The following JAK2 variants were observed in gnomAD, a reference collection of about 807,000 sequenced individuals.
The protein encoded by JAK2 is Janus kinase 2, also known as tyrosine-protein kinase JAK2.
Under a neutral mutation model 139.3 loss-of-function variants are expected in JAK2, and 86 were observed. That is an observed-to-expected ratio of 0.62 (90% CI 0.52 to 0.74). The LOEUF is 0.74. Among genes scored for constraint, JAK2 ranks in the 30% least tolerant of loss-of-function variants. The pLI is 0.00. For missense variants in JAK2, 1,421 were observed against 1,360.3 expected (o/e 1.04, Z -0.70); for synonymous variants, 490 against 437.7 (o/e 1.12, Z -1.49).
intron 22 of JAK2, chr9:5,098,095 A>G (rs1821164033): frequency 6.6e-6 from 1 of 152,184 alleles, no homozygotes; most frequent in Non-Finnish European, 1.5e-5. Context: ...TTGTTTCGAA[A>G]AGAAAAACTA....
intron 2 of JAK2, among the ~76,000 whole-genome samples, chr9:5,014,853 A>G (rs1435124942): frequency 6.6e-6 from 1 of 151,592 alleles, no homozygotes; most frequent in East Asian, 1.9e-4. Flanking sequence ...CTCCCTAGCT[A>G]TTCTCCTGTC....
intron 22 of JAK2, chr9:5,112,891 G>T: frequency 2.7e-6 from 1 of 366,628 alleles, no homozygotes; most frequent in Non-Finnish European, 4.6e-6. Flanking sequence ...CCTCAGCCCC[G>T]TGGGCTGGGC....
intron 2 of JAK2, among the ~76,000 whole-genome samples, chr9:4,992,043 C>T (rs1820287184): frequency 6.6e-6 from 1 of 152,138 alleles, no homozygotes; most frequent in South Asian, 2.1e-4. Context: ...AGACAGGGCA[C>T]ACCAGGGATG....
chr9:5,034,513 A>C (rs531599508), intron 4 of JAK2, among the ~76,000 whole-genome samples: 10 of 152,196 alleles, frequency 6.6e-5, no homozygotes, highest in Admixed American at 5.9e-4. Flanking sequence ...GCAAGTGTAA[A>C]AGAACAGAAA....
At chr9:5,078,276 T>G (rs1159232040) in intron 15 of JAK2, 30 bp from the exon 16 acceptor site, 1 of 1,593,658 alleles carries the variant, frequency 6.3e-7, no homozygotes, top group Non-Finnish European at 8.6e-7. Context: ...TGGACTGATA[T>G]TTGAATATAT....
intron 2 of JAK2, among the ~76,000 whole-genome samples, chr9:5,003,887 T>C (rs780760655): frequency 6.6e-6 from 1 of 152,114 alleles, no homozygotes; most frequent in Non-Finnish European, 1.5e-5. Flanking sequence ...TAGTTTGAGA[T>C]TTTAAAATCA....
intron 19 of JAK2, among the ~76,000 whole-genome samples, chr9:5,089,266 TG>T (rs1820372875): frequency 6.6e-6 from 1 of 152,092 alleles, no homozygotes; most frequent in Non-Finnish European, 1.5e-5. Flanking sequence ...CTGCTGGGCA[TG>T]GTGGCTCATG....
chr9:5,124,732 T>C (rs930316210), intron 23 of JAK2, among the ~76,000 whole-genome samples: 3 of 151,612 alleles, frequency 2.0e-5, no homozygotes, highest in East Asian at 3.8e-4. Flanking sequence ...TGGAACAGAA[T>C]AGAAAACCCA....
intron 22 of JAK2, chr9:5,114,607 A>C (rs1238701437): frequency 2.0e-6 from 1 of 488,656 alleles, no homozygotes; most frequent in African/African-American, 2.0e-5. Flanking sequence ...TGGCTGTACA[A>C]CGAGGTGCAG....
At chr9:5,073,572 G>T (rs1219586993) in intron 13 of JAK2, 126 bp from the exon 14 acceptor site, 2 of 727,642 alleles carry the variant, frequency 2.7e-6, no homozygotes, top group African/African-American at 1.8e-5. Context: ...AAAGCACATT[G>T]TATCCTCATC....
chr9:4,994,491 G>C (rs1803371672), intron 2 of JAK2, among the ~76,000 whole-genome samples: 1 of 152,196 alleles, frequency 6.6e-6, no homozygotes, highest in Non-Finnish European at 1.5e-5. Flanking sequence ...CTGGGGCCTA[G>C]ATTGTGAGAA....
Position 5,022,357 on chromosome 9 carries a change from A to G in JAK2, c.226+144A>G, listed in dbSNP as rs1822486114. The G allele has an allele frequency of 8.6e-6, 5 of 578,858 alleles. No homozygotes were observed. In the South Asian group the frequency reaches 1.3e-4, roughly 15 times the overall value. 35.9% of individuals were successfully genotyped at this position (578,858 alleles called of 1,614,324 possible). ...GTGTGTGTTTTCACATGCATAGAAA[A>G]TGAAAGTGTTACTGGAGTACAATTT... On this transcript the variant is annotated intron_variant, in intron 3 of 24. Coordinates refer to ENST00000381652, the MANE Select transcript of JAK2 (RefSeq NM_004972.4).
At chr9:5,082,419 G>A (rs2130622378) in intron 19 of JAK2, among the ~76,000 whole-genome samples, 1 of 152,364 alleles carries the variant, frequency 6.6e-6, no homozygotes, top group South Asian at 2.1e-4. Context: ...TAATAAAGCA[G>A]CATTGCTGCC....
chr9:5,108,889 C>G (rs1483034104), intron 22 of JAK2: 1 of 152,144 alleles, frequency 6.6e-6, no homozygotes, highest in Non-Finnish European at 1.5e-5. Flanking sequence ...GTCACTTCAT[C>G]CCTGTTATTC....
intron 14 of JAK2, among the ~76,000 whole-genome samples, chr9:5,076,861 C>T (rs1347700757): frequency 6.6e-6 from 1 of 152,118 alleles, no homozygotes; most frequent in Non-Finnish European, 1.5e-5. Context: ...ATCTGAGAGG[C>T]TCCTGTGGAC....
At chr9:4,991,041 G>A (rs772798068) in intron 2 of JAK2, among the ~76,000 whole-genome samples, 7 of 152,146 alleles carry the variant, frequency 4.6e-5, no homozygotes, top group Non-Finnish European at 8.8e-5. Flanking sequence ...CTGAATGATA[G>A]AAGGTTAGAC....
chr9:5,081,901 T>A, intron 19 of JAK2, 40 bp downstream of exon 19: 1 of 1,525,784 alleles, frequency 6.6e-7, no homozygotes, highest in Non-Finnish European at 9.0e-7. Context: ...TATAATCATT[T>A]CATTTAGGAA....
chr9:4,997,351 C>T (rs1726735913), intron 2 of JAK2, among the ~76,000 whole-genome samples: 1 of 152,192 alleles, frequency 6.6e-6, no homozygotes, highest in African/African-American at 2.4e-5. Flanking sequence ...GACATTTGCT[C>T]AGCTTCTGGG....
At chr9:5,101,532 T>C (rs1486584360) in intron 22 of JAK2, among the ~76,000 whole-genome samples, 1 of 152,240 alleles carries the variant, frequency 6.6e-6, no homozygotes, top group Non-Finnish European at 1.5e-5. Flanking sequence ...GCAGTGTTTC[T>C]ACCAGCATGG....
Sources: allele counts gnomAD v4.1 joint callset (sites outside exome capture counted in the v4.1 genomes callset), GRCh38; gene constraint gnomAD v4.1.1; transcripts MANE v1.5; gene names NCBI Gene and HGNC (gene_info 2026-07-23, HGNC 2026-07-21).